Variants in CAPN8 observed in about 807,000 individuals in gnomAD.
CAPN8 encodes the protein calpain 8, also known as calpain-8.
In CAPN8, 87 loss-of-function variants were observed where a neutral mutation model predicts 80.9. That is an observed-to-expected ratio of 1.07 (90% CI 0.90 to 1.28). The LOEUF (loss-of-function observed/expected upper bound fraction) is 1.28, where lower values mean the gene tolerates loss of function less well. CAPN8 is among the 50% of genes most tolerant of loss of function. The pLI is 0.00. For synonymous variants in CAPN8, 299 were observed against 273.8 expected (o/e 1.09, Z -0.91); for missense variants, 757 against 702.0 (o/e 1.08, Z -0.89).
At chr1:223,652,287 AGCCGATATCGG>A (rs1658363102) in intron 2 of CAPN8, among the ~76,000 whole-genome samples, 1 of 152,058 alleles carries the variant, frequency 6.6e-6, no homozygotes, top group Non-Finnish European at 1.5e-5. Flanking sequence ...GGTTGCAGTG[AGCCGATATCGG>A]GCCACTGCAC....
At chr1:223,634,393 G>A (rs1558350019) in intron 2 of CAPN8, among the ~76,000 whole-genome samples, 1 of 152,160 alleles carries the variant, frequency 6.6e-6, no homozygotes, top group Non-Finnish European at 1.5e-5. Context: ...CCATAAGTCA[G>A]CACTAGGGTA....
rs1657172178 is a variant in CAPN8, at chr1:223,616,079, C to T, written c.1202G>A (p.Ser401Asn). 5.2e-6 allele frequency: 8 copies of T among 1,552,166 alleles called. No homozygotes were observed. The highest frequency in any genetic ancestry group is 6.1e-6 in the Non-Finnish European group (7 of 1,147,100). ...LDEVDEDQEE[S>N]IGEPCCTVLL... ...CACTGTACAGCAGGGTTCACCGATGCTCTCCTCCTGGTCCTCATCCACTTC... is the reference window on the plus strand; with the variant it reads ...CACTGTACAGCAGGGTTCACCGATGTTCTCCTCCTGGTCCTCATCCACTTC... The change falls in exon 10 of 21, where the codon AGC becomes AAC. Residue 401 changes from serine to asparagine, a missense_variant. Ser to Asn is a conservative substitution (Grantham distance 46). Transcript: ENST00000366872.
chr1:223,558,103 G>C (rs1656946200), intron 13 of CAPN8, 28 bp downstream of exon 13: 2 of 398,496 alleles, frequency 5.0e-6, no homozygotes, highest in African/African-American at 2.1e-5. Flanking sequence ...AACAGTGTCA[G>C]AGTTTGGCAT....
rs1461197263 is a variant in CAPN8, at chr1:223,619,366, G to A, written c.1062C>T (p.His354=). The A allele has an allele frequency of 3.2e-6, 5 of 1,551,696 alleles. No individual in the cohort carries two copies. The highest frequency in any genetic ancestry group is 4.4e-6 in the Non-Finnish European group (5 of 1,146,992). The change falls in exon 9 of 21, where the codon CAC becomes CAT. Residue 354 remains histidine (H), a synonymous_variant. Coordinates refer to ENST00000366872, the MANE Select transcript of CAPN8 (RefSeq NM_001143962.2). The part of the protein sequence containing the change: ...SPDSLSSEEV[H]KWNLVLFNGH... The stretch of plus-strand genomic sequence containing the variant: ...CGTTGAACAGGACCAGGTTCCATTT[G>A]TGCACCTCCTCGCTACTCAGAGAGT...
intron 9 of CAPN8, chr1:223,618,360 T>C (rs1657266409): frequency 6.5e-7 from 1 of 1,538,398 alleles, no homozygotes. Flanking sequence ...CCAGGGTTAG[T>C]GCGGAGGCCA....
chr1:223,647,197 T>G (rs1300655086), intron 2 of CAPN8, among the ~76,000 whole-genome samples: 1 of 152,206 alleles, frequency 6.6e-6, no homozygotes, highest in African/African-American at 2.4e-5. Flanking sequence ...CCAGCATTCC[T>G]GTAAGGCAGG....
At chr1:223,633,667 G>GA (rs940406112) in intron 2 of CAPN8, among the ~76,000 whole-genome samples, 9 of 151,460 alleles carry the variant, frequency 5.9e-5, no homozygotes, top group East Asian at 1.9e-4. Context: ...GCCTCAAAAA[G>GA]AAAAAAAATA....
chr1:223,632,026 G>A (rs1024280183), intron 2 of CAPN8, among the ~76,000 whole-genome samples: 1 of 151,582 alleles, frequency 6.6e-6, no homozygotes. Flanking sequence ...GCAACAAAAT[G>A]TCCCTCCGTT....
At chr1:223,552,478 C>T (rs1365604666) in intron 14 of CAPN8, among the ~76,000 whole-genome samples, 2 of 149,032 alleles carry the variant, frequency 1.3e-5, no homozygotes, top group Non-Finnish European at 1.5e-5. Context: ...GCACGAGAAT[C>T]GCTTGAACCC....
At chr1:223,619,812 A>G (rs566092455) in intron 8 of CAPN8, among the ~76,000 whole-genome samples, 4 of 152,212 alleles carry the variant, frequency 2.6e-5, no homozygotes, top group Non-Finnish European at 4.4e-5. Context: ...AGTGATGTCC[A>G]GCTAAGCCGT....
chr1:223,613,468 A>T (rs998373491), intron 10 of CAPN8, among the ~76,000 whole-genome samples: 9 of 152,154 alleles, frequency 5.9e-5, no homozygotes, highest in African/African-American at 2.2e-4. Flanking sequence ...TGCCATCAGT[A>T]TGCTCCAGAT....
chr1:223,543,101 C>A lies in CAPN8; in HGVS notation c.2088+7G>T. Reference sequence around the variant, plus strand: ...GCCAGCAATTCATCAAACCTCAGGACATTCACCTCGGCCAGAGAGAGCTGA... The same window carrying A: ...GCCAGCAATTCATCAAACCTCAGGAAATTCACCTCGGCCAGAGAGAGCTGA... On this transcript the variant is annotated splice_region_variant and intron_variant, in intron 20 of 20. Transcript: ENST00000366872. 2 of 1,551,658 alleles carry A rather than the reference C, an allele frequency of 1.3e-6. No homozygotes were observed. Among genetic ancestry groups the A allele is most frequent in the Non-Finnish European group, 1.7e-6 (2 of 1,146,978 alleles).
chr1:223,655,654 G>C (rs1658467113), intron 1 of CAPN8, among the ~76,000 whole-genome samples: 1 of 152,150 alleles, frequency 6.6e-6, no homozygotes, highest in Admixed American at 6.5e-5. Flanking sequence ...TCCACAAAGG[G>C]AGAAAAAACA....
rs1657047375 is a variant in CAPN8 at position 223,612,252 on chromosome 1, G to A, written c.1317C>T (p.Pro439=). 8.1e-7 allele frequency: 1 copy of A among 1,234,232 alleles called. No individual in the cohort carries two copies. The highest frequency in any genetic ancestry group is 3.2e-5 in the East Asian group (1 of 31,694). The allele number at this position is 1,234,232 out of a possible 1,614,324, so 76.5% of individuals were successfully genotyped here. A position where few individuals can be genotyped will look rare whatever the true frequency, so the allele number is the denominator to read the frequency against. ...TCTGTCAGCACTCACATACCTCCTT[G>A]GGAACCTGTGGGGCAGAAGAAAAGA... ...LSIGYAVYQV[P]KELESHTDAH... The change falls in exon 11 of 21, where the codon CCC becomes CCT. Residue 439 remains proline (P), a synonymous_variant. Coordinates refer to ENST00000366872, the MANE Select transcript of CAPN8 (RefSeq NM_001143962.2).
At chr1:223,637,440 A>T (rs36072692) in intron 2 of CAPN8, among the ~76,000 whole-genome samples, 1 of 152,062 alleles carries the variant, frequency 6.6e-6, no homozygotes. Context: ...TGCTCCCCTG[A>T]TTCCCATCAC....
intron 2 of CAPN8, among the ~76,000 whole-genome samples, chr1:223,632,684 T>C (rs1209376201): frequency 6.6e-6 from 1 of 152,212 alleles, no homozygotes; most frequent in Non-Finnish European, 1.5e-5. Flanking sequence ...TTCAATTTTT[T>C]AATTTTCAAA....
At chr1:223,613,221 T>C (rs1238661472) in intron 10 of CAPN8, among the ~76,000 whole-genome samples, 1 of 152,190 alleles carries the variant, frequency 6.6e-6, no homozygotes, top group Non-Finnish European at 1.5e-5. Flanking sequence ...TTACAGAAAA[T>C]GTGTATCAGC....
Position 223,544,118 on chromosome 1 carries a change from T to C in CAPN8, c.1978A>G (p.Ile660Val). 1 of 718,408 alleles carries C rather than the reference T, an allele frequency of 1.4e-6. No individual in the cohort carries two copies. The highest frequency in any genetic ancestry group is 2.6e-6 in the Non-Finnish European group (1 of 385,102). The allele number at this position is 718,408 out of a possible 1,614,324, so 44.5% of individuals were successfully genotyped here. ...ALRYACSKLG[I>V]NFDSFVACMI... ...CAAGCCACGAAGCTGTCAAAGTTGA[T>C]GCCAAGCTTGCTGCACGCATACCGC... Residue 660 changes from isoleucine to valine, a missense_variant, in exon 19 of 21, where the codon ATC becomes GTC. By Grantham distance (29) the Ile-to-Val change is conservative. Transcript: ENST00000366872.
Position 223,627,086 on chromosome 1 carries a change from A to G in CAPN8, c.632T>C (p.Ile211Thr). ...TTTCTTCAGGTCATAAAACTCAGAG[A>G]TGCCACCTGTGAAATCCTCAAACCC... The part of the protein sequence containing the change: ...VEGFEDFTGG[I>T]SEFYDLKKPP... Residue 211 changes from isoleucine (I) to threonine (T), a missense_variant, in exon 5 of 21, where the codon ATC (isoleucine) becomes ACC (threonine). Coordinates refer to ENST00000366872, the MANE Select transcript of CAPN8 (RefSeq NM_001143962.2). The G allele has an allele frequency of 1.9e-6, 3 of 1,552,276 alleles. No individual in the cohort carries two copies. Among genetic ancestry groups the G allele is most frequent in the South Asian group, 1.2e-5 (1 of 84,060 alleles).
Sources: allele counts gnomAD v4.1 joint callset (sites outside exome capture counted in the v4.1 genomes callset), GRCh38; gene constraint gnomAD v4.1.1; transcripts MANE v1.5; gene names NCBI Gene and HGNC (gene_info 2026-07-23, HGNC 2026-07-21).